VPS53: variants seen among roughly 807,000 people sequenced by gnomAD.
VPS53 encodes vacuolar protein sorting-associated protein 53 homolog.
Under a neutral mutation model 107.0 loss-of-function variants are expected in VPS53, and 70 were observed. The observed-to-expected ratio is 0.65, with a 90% CI of 0.54 to 0.80. The LOEUF (loss-of-function observed/expected upper bound fraction) is 0.80. Among genes scored for constraint, VPS53 ranks in the 30% least tolerant of loss-of-function variants. The pLI, the probability that VPS53 is intolerant of heterozygous loss-of-function variation, is 0.00. For missense variants in VPS53, 917 were observed against 1,049.4 expected (o/e 0.87, Z 1.74); for synonymous variants, 409 against 393.3 (o/e 1.04, Z -0.47).
chr17:680,969 C>T (rs1183483286), intron 4 of VPS53, among the ~76,000 whole-genome samples: 2 of 152,026 alleles, frequency 1.3e-5, no homozygotes, highest in Non-Finnish European at 2.9e-5. Context: ...TGACATATAC[C>T]AATGTTGGAG....
chr17:594,934 T>C (rs1967880409), intron 12 of VPS53, among the ~76,000 whole-genome samples: 1 of 49,482 alleles, frequency 2.0e-5, no homozygotes, highest in African/African-American at 6.6e-5. Context: ...TCTGGATCAA[T>C]TTCCTGGTTT....
intron 4 of VPS53, among the ~76,000 whole-genome samples, chr17:672,332 T>C (rs1971998648): frequency 6.6e-6 from 1 of 151,956 alleles, no homozygotes; most frequent in Admixed American, 6.6e-5. Flanking sequence ...TTCCAAATAA[T>C]CCCCCTTTTG....
At chr17:642,484 G>C (rs1228834763) in intron 7 of VPS53, among the ~76,000 whole-genome samples, 1 of 151,390 alleles carries the variant, frequency 6.6e-6, no homozygotes, top group Admixed American at 6.6e-5. Flanking sequence ...TGGAAACCGA[G>C]GACAACACTC....
At chr17:707,403 C>A (rs1304922083) in intron 2 of VPS53, among the ~76,000 whole-genome samples, 1 of 151,786 alleles carries the variant, frequency 6.6e-6, no homozygotes, top group Non-Finnish European at 1.5e-5. Context: ...CCCTGTAATC[C>A]CAGCTGCTCA....
At chr17:598,072 C>T (rs1968072942) in intron 12 of VPS53, among the ~76,000 whole-genome samples, 1 of 152,066 alleles carries the variant, frequency 6.6e-6, no homozygotes, top group Non-Finnish European at 1.5e-5. Flanking sequence ...AACCTCCCTG[C>T]CTGATTCTCC....
chr17:654,906 A>T (rs1359765523), intron 6 of VPS53, among the ~76,000 whole-genome samples: 1 of 152,078 alleles, frequency 6.6e-6, no homozygotes, highest in Non-Finnish European at 1.5e-5. Flanking sequence ...GAAGGAACAA[A>T]TGTGACCGCC....
chr17:563,153 C>T (rs943195256), intron 13 of VPS53, among the ~76,000 whole-genome samples: 3 of 152,152 alleles, frequency 2.0e-5, no homozygotes, highest in Admixed American at 2.0e-4. Context: ...GAAACTAATC[C>T]TTCTATCATA....
chr17:664,083 AT>A (rs1367207658), intron 4 of VPS53, among the ~76,000 whole-genome samples: 4 of 150,102 alleles, frequency 2.7e-5, no homozygotes, highest in Admixed American at 6.7e-5. Context: ...GAGTAAGATG[AT>A]TTTTTTTTTC....
At chr17:689,408 C>T (rs1221281065) in intron 4 of VPS53, among the ~76,000 whole-genome samples, 2 of 151,936 alleles carry the variant, frequency 1.3e-5, no homozygotes, top group East Asian at 3.9e-4. Flanking sequence ...CGCAATCCTC[C>T]TACCTCAAAC....
At chr17:523,465 A>G (rs1402393738) in intron 19 of VPS53, 1 of 152,238 alleles carries the variant, frequency 6.6e-6, no homozygotes, top group Admixed American at 6.5e-5. Flanking sequence ...GCCCTGCGAC[A>G]CTTTGCATCC....
At chr17:654,423 A>AT (rs1211367650) in intron 6 of VPS53, among the ~76,000 whole-genome samples, 2 of 151,996 alleles carry the variant, frequency 1.3e-5, no homozygotes, top group East Asian at 3.9e-4. Context: ...GTAATTTATG[A>AT]TTTTCCATAA....
At chr17:543,684 A>G (rs1910882698) in intron 17 of VPS53, among the ~76,000 whole-genome samples, 1 of 151,296 alleles carries the variant, frequency 6.6e-6, no homozygotes, top group South Asian at 2.1e-4. Flanking sequence ...TTTCCACCAA[A>G]ACACTCCAAA....
chr17:701,400 A>G (rs1478090663), intron 2 of VPS53, among the ~76,000 whole-genome samples: 1 of 151,910 alleles, frequency 6.6e-6, no homozygotes, highest in African/African-American at 2.4e-5. Flanking sequence ...TTTGTGTGTG[A>G]TGGAGACTAG....
chr17:522,724 T>C (rs1908845108), intron 19 of VPS53, among the ~76,000 whole-genome samples: 4 of 152,258 alleles, frequency 2.6e-5, no homozygotes, highest in Admixed American at 2.6e-4. Flanking sequence ...CAATCTACCT[T>C]TTCCTCTTTG....
chr17:613,684 G>A (rs552087478), intron 11 of VPS53, among the ~76,000 whole-genome samples: 43 of 150,862 alleles, frequency 2.9e-4, no homozygotes, highest in African/African-American at 1.0e-3. Flanking sequence ...AATTCACACA[G>A]TGAAAACCTG....
intron 13 of VPS53, among the ~76,000 whole-genome samples, chr17:583,401 C>G (rs1967150614): frequency 6.6e-6 from 1 of 151,038 alleles, no homozygotes; most frequent in Non-Finnish European, 1.5e-5. Flanking sequence ...TCCCAGAGAA[C>G]TTCCCCCAGG....
intron 12 of VPS53, among the ~76,000 whole-genome samples, chr17:596,368 GCCACAGGCCCTGCCCTTGATGACGTC>G (rs1454278038): frequency 1.3e-5 from 2 of 151,872 alleles, no homozygotes; most frequent in Admixed American, 6.5e-5. Context: ...TGTTCAGTCT[GCCACAGGCCCTGCCCTTGATGACGTC>G]CCACAGGTCC....
At chr17:583,841 C>T (rs757528403) in intron 13 of VPS53, among the ~76,000 whole-genome samples, 1 of 149,492 alleles carries the variant, frequency 6.7e-6, no homozygotes, top group African/African-American at 2.5e-5. Context: ...AACCTCAATG[C>T]GTTCCCAGAG....
intron 5 of VPS53, 64 bp downstream of exon 5, chr17:661,745 T>C: frequency 6.9e-7 from 1 of 1,451,046 alleles, no homozygotes; most frequent in Non-Finnish European, 9.4e-7. Context: ...ATTATTAGAA[T>C]GCCTAGATGA....
Sources: allele counts gnomAD v4.1 joint callset (sites outside exome capture counted in the v4.1 genomes callset), GRCh38; gene constraint gnomAD v4.1.1; transcripts MANE v1.5; gene names NCBI Gene and HGNC (gene_info 2026-07-23, HGNC 2026-07-21).